The following DCAF1 variants were observed in gnomAD, a reference collection of about 807,000 sequenced individuals.
DCAF1 encodes DDB1 and CUL4 associated factor 1, also known as DDB1- and CUL4-associated factor 1.
Under a neutral mutation model 128.0 loss-of-function variants are expected in DCAF1, and 15 were observed. The ratio of observed to expected loss-of-function variants is 0.12; its 90% CI spans 0.08 to 0.18. The LOEUF (loss-of-function observed/expected upper bound fraction) is 0.18. DCAF1 is among the 10% of genes least tolerant of loss of function. The pLI, the probability that DCAF1 is intolerant of heterozygous loss-of-function variation, is 1.00. For synonymous variants in DCAF1, 610 were observed against 603.0 expected (o/e 1.01, Z -0.17); for missense variants, 988 against 1,649.5 (o/e 0.60, Z 6.95).
chr3:51,463,601 G>A (rs544638935), intron 5 of DCAF1, among the ~76,000 whole-genome samples: 18 of 151,892 alleles, frequency 1.2e-4, no homozygotes, highest in Admixed American at 3.3e-4. Context: ...TGGACAACAC[G>A]GCAAAACCCC....
chr3:51,414,507 C>A, intron 19 of DCAF1, 117 bp downstream of exon 19: 1 of 1,397,046 alleles, frequency 7.2e-7, no homozygotes, highest in Non-Finnish European at 9.5e-7. Context: ...AGGACAGGCA[C>A]CATATTATTA....
chr3:51,412,599 C>G, intron 22 of DCAF1, 119 bp from the exon 23 acceptor site: 1 of 1,482,024 alleles, frequency 6.7e-7, no homozygotes, highest in South Asian at 1.3e-5. Context: ...TTCTGATACC[C>G]GAAATTCTTG....
At chr3:51,439,716 G>A (rs1359820845) in intron 9 of DCAF1, among the ~76,000 whole-genome samples, 1 of 151,938 alleles carries the variant, frequency 6.6e-6, no homozygotes, top group Non-Finnish European at 1.5e-5. Context: ...TTGTGGCCAG[G>A]CGTGATGGCT....
At chr3:51,498,569 A>C (rs1473712198) in intron 1 of DCAF1, among the ~76,000 whole-genome samples, 1 of 152,048 alleles carries the variant, frequency 6.6e-6, no homozygotes, top group Non-Finnish European at 1.5e-5. Flanking sequence ...TGTCTCTATA[A>C]AAAATAAATG....
At chr3:51,477,391 A>C (rs1272102940) in intron 3 of DCAF1, among the ~76,000 whole-genome samples, 2 of 151,336 alleles carry the variant, frequency 1.3e-5, no homozygotes, top group Non-Finnish European at 2.9e-5. Flanking sequence ...TTGGTGAAGG[A>C]GGGAAGTTAC....
chr3:51,441,543 A>C lies in DCAF1; in HGVS notation c.868T>G (p.Ser290Ala). The stretch of plus-strand genomic sequence containing the variant: ...TCAACAAACATGCGATCTGGATCAG[A>C]AGATGAGAAACCCAACTTTTGCTTG... ...KAKQKLGFSS[S>A]DPDRMFVELS... Residue 290 changes from serine to alanine, a missense_variant, in exon 8 of 25, where the codon TCT (serine) becomes GCT (alanine). Ser to Ala is a moderately conservative substitution (Grantham distance 99). Coordinates refer to ENST00000684031, the MANE Select transcript of DCAF1 (RefSeq NM_001387579.1). 2 of 1,614,022 alleles carry C rather than the reference A, an allele frequency of 1.2e-6. No individual in the cohort carries two copies. The highest frequency in any genetic ancestry group is 1.7e-6 in the Non-Finnish European group (2 of 1,179,896).
At chr3:51,453,454 C>G (rs1465463675) in intron 6 of DCAF1, among the ~76,000 whole-genome samples, 1 of 151,508 alleles carries the variant, frequency 6.6e-6, no homozygotes, top group African/African-American at 2.4e-5. Flanking sequence ...ATAGGGAGAC[C>G]TCATCTCTAC....
chr3:51,425,608 G>A (rs1300686645), intron 13 of DCAF1, among the ~76,000 whole-genome samples: 1 of 121,686 alleles, frequency 8.2e-6, no homozygotes, highest in African/African-American at 3.1e-5. Flanking sequence ...TGTTGCCCCG[G>A]CTAAAGTGCA....
chr3:51,472,803 T>C (rs1324877776), intron 3 of DCAF1, among the ~76,000 whole-genome samples: 1 of 151,802 alleles, frequency 6.6e-6, no homozygotes, highest in Non-Finnish European at 1.5e-5. Context: ...TAGCTGGAAT[T>C]ACAGGCATGC....
In DCAF1 at chr3:51,443,913, A is replaced by G. The variant is rs782187671; in HGVS notation, c.376-10T>C. Reference sequence around the variant, plus strand: ...TCTCGACAATTCCCTCCTATAGTAAAGGAAATTAAATAGTACATTTCGGAA... The same window carrying G: ...TCTCGACAATTCCCTCCTATAGTAAGGGAAATTAAATAGTACATTTCGGAA... On this transcript the variant is annotated splice_polypyrimidine_tract_variant and intron_variant, in intron 6 of 24. Transcript: ENST00000684031. The G allele has an allele frequency of 8.2e-6, 13 of 1,583,736 alleles. No homozygotes were observed. Among genetic ancestry groups the G allele is most frequent in the African/African-American group, 1.4e-5 (1 of 73,340 alleles).
At chr3:51,431,320 C>A (rs1228963518) in intron 10 of DCAF1, among the ~76,000 whole-genome samples, 1 of 151,068 alleles carries the variant, frequency 6.6e-6, no homozygotes, top group Non-Finnish European at 1.5e-5. Context: ...GAGTTCAGGA[C>A]CAGCCTAGCC....
intron 6 of DCAF1, among the ~76,000 whole-genome samples, chr3:51,455,069 T>G (rs1702757901): frequency 6.6e-6 from 1 of 152,180 alleles, no homozygotes; most frequent in Non-Finnish European, 1.5e-5. Flanking sequence ...TTATTTGAAA[T>G]TATCAGTTTA....
At chr3:51,458,982 C>T (rs1468555905) in intron 6 of DCAF1, among the ~76,000 whole-genome samples, 1 of 152,152 alleles carries the variant, frequency 6.6e-6, no homozygotes, top group African/African-American at 2.4e-5. Flanking sequence ...AAAACTGACA[C>T]CCTAACATCA....
chr3:51,405,248 C>T (rs1311810984), intron 23 of DCAF1, among the ~76,000 whole-genome samples: 5 of 152,134 alleles, frequency 3.3e-5, no homozygotes, highest in African/African-American at 1.2e-4. Flanking sequence ...CATGGGCTAG[C>T]CAGAAAATTC....
At position 51,398,562 on chromosome 3, in the gene DCAF1, T is replaced by C. The variant is rs2089390319; in HGVS notation, c.*207A>G. The C allele has an allele frequency of 1.6e-6, 1 of 614,408 alleles. No individual in the cohort carries two copies. The highest frequency in any genetic ancestry group is 1.9e-5 in the African/African-American group (1 of 54,024). The allele number at this position is 614,408 out of a possible 1,614,324, so 38.1% of individuals were successfully genotyped here. A position where few individuals can be genotyped will look rare whatever the true frequency, so the allele number is the denominator to read the frequency against. On this transcript the variant is annotated 3_prime_UTR_variant, in exon 25 of 25. Coordinates refer to ENST00000684031, the MANE Select transcript of DCAF1 (RefSeq NM_001387579.1). The stretch of plus-strand genomic sequence containing the variant: ...GTGGGGGGTGCAGAGTAGGGCCTAG[T>C]CCCTGTTGTCATTTTTGTGGTGGTT...
At chr3:51,450,842 T>G (rs576162116) in intron 6 of DCAF1, among the ~76,000 whole-genome samples, 7 of 151,958 alleles carry the variant, frequency 4.6e-5, no homozygotes, top group Non-Finnish European at 1.0e-4. Context: ...TGAGAGTAAT[T>G]AGACATAAAA....
intron 6 of DCAF1, among the ~76,000 whole-genome samples, chr3:51,451,015 C>A (rs998272901): frequency 8.6e-6 from 1 of 115,654 alleles, no homozygotes; most frequent in African/African-American, 3.3e-5. Flanking sequence ...AATCAACATA[C>A]AAAAATCAGT....
chr3:51,461,806 G>A (rs772661153), intron 6 of DCAF1, among the ~76,000 whole-genome samples: 14 of 152,034 alleles, frequency 9.2e-5, no homozygotes, highest in East Asian at 7.7e-4. Flanking sequence ...GCAAACTATC[G>A]CAAGGACAAA....
intron 24 of DCAF1, among the ~76,000 whole-genome samples, chr3:51,400,006 T>C (rs1429826663): frequency 6.6e-6 from 1 of 152,104 alleles, no homozygotes; most frequent in African/African-American, 2.4e-5. Context: ...CACAACTTCC[T>C]TTAGGAGGAA....
Sources: allele counts gnomAD v4.1 joint callset (sites outside exome capture counted in the v4.1 genomes callset), GRCh38; gene constraint gnomAD v4.1.1; transcripts MANE v1.5; gene names NCBI Gene and HGNC (gene_info 2026-07-23, HGNC 2026-07-21).